Variants in KANK4 observed in about 807,000 individuals in gnomAD.
KANK4 encodes the protein KN motif and ankyrin repeat domains 4.
A neutral mutation model predicts 80.8 loss-of-function variants in KANK4; 50 were observed. That is an observed-to-expected ratio of 0.62 (90% CI 0.49 to 0.78). The LOEUF is 0.78. KANK4 is among the 30% of genes least tolerant of loss of function. KANK4 has a pLI of 0.00. For missense variants in KANK4, 1,196 were observed against 1,240.1 expected, an observed-to-expected ratio of 0.96 and a Z score of 0.53; for synonymous variants, 465 against 506.9, an observed-to-expected ratio of 0.92 and a Z score of 1.11.
At chr1:62,311,395 G>A (rs1407827383) in intron 1 of KANK4, among the ~76,000 whole-genome samples, 2 of 151,888 alleles carry the variant, frequency 1.3e-5, no homozygotes, top group East Asian at 1.9e-4. Context: ...GCACAAGTTC[G>A]ATAAAAGGTA....
intron 8 of KANK4, among the ~76,000 whole-genome samples, chr1:62,249,772 A>G (rs895319056): frequency 2.6e-5 from 4 of 151,698 alleles, no homozygotes; most frequent in Non-Finnish European, 4.4e-5. Context: ...TGAACTCCTG[A>G]CCTCAGGTGA....
At chr1:62,275,281 T>A (rs151213380) in intron 2 of KANK4, among the ~76,000 whole-genome samples, 194 bp from the exon 3 acceptor site, 149 of 152,354 alleles carry the variant, frequency 9.8e-4, no homozygotes, top group African/African-American at 3.5e-3. Context: ...TAAATCAATG[T>A]GTACTTAGCC....
At chr1:62,309,593 T>A (rs1644481432) in intron 1 of KANK4, among the ~76,000 whole-genome samples, 1 of 152,204 alleles carries the variant, frequency 6.6e-6, no homozygotes, top group South Asian at 2.1e-4. Context: ...AAAGCTAATT[T>A]TATTAACTAG....
At position 62,236,669 on chromosome 1, in the gene KANK4, A is replaced by G. The variant is rs922187832; in HGVS notation, c.*1608T>C. On this transcript the variant is annotated 3_prime_UTR_variant, in exon 10 of 10. Transcript: ENST00000371153. ...GAGTGCAATGGCACGATCTCGGCTC[A>G]CTGAAACCTCCGCCTCCCGGGTTCA... 1.4e-5 allele frequency among the ~76,000 whole-genome samples: 2 copies of G among 143,958 alleles called. No individual in the cohort carries two copies. Among genetic ancestry groups the G allele is most frequent in the Non-Finnish European group, 3.0e-5 (2 of 67,204 alleles). 94.4% of individuals were successfully genotyped at this position (143,958 alleles called of 152,430 possible).
Position 62,273,313 on chromosome 1 carries a change from G to T in KANK4, c.1791C>A (p.Ser597Arg). ...SAIKQPASKL[S>R]SIQSQLLSSL... is the part of the protein sequence containing the mutation. ...AGCTCAGCAGCTGGCTCTGGATGCT[G>T]CTGAGCTTGGAGGCTGGCTGCTTGA... Residue 597 changes from serine (S) to arginine (R), a missense_variant, in exon 3 of 10, where the codon AGC becomes AGA. By Grantham distance (110) the Ser-to-Arg change is moderately radical (BLOSUM62 -1). Coordinates refer to ENST00000371153, the MANE Select transcript of KANK4 (RefSeq NM_181712.5). The T allele has an allele frequency of 6.2e-7, 1 of 1,606,076 alleles. No homozygotes were observed. The highest frequency in any genetic ancestry group is 8.5e-7 in the Non-Finnish European group (1 of 1,174,106).
chr1:62,295,782 G>C (rs1644358740), intron 1 of KANK4, among the ~76,000 whole-genome samples: 1 of 152,240 alleles, frequency 6.6e-6, no homozygotes, highest in African/African-American at 2.4e-5. Context: ...TAAAAAGAAT[G>C]TGGCCAGCGT....
At chr1:62,278,409 TGAGATGGAATTTCG>T (rs1672374306) in intron 2 of KANK4, among the ~76,000 whole-genome samples, 1 of 111,420 alleles carries the variant, frequency 9.0e-6, no homozygotes, top group African/African-American at 3.3e-5. Flanking sequence ...TTTTTTTTTT[TGAGATGGAATTTCG>T]TTCTTGTTGC....
chr1:62,281,382 C>T (rs1167118528), intron 2 of KANK4, among the ~76,000 whole-genome samples, 167 bp downstream of exon 2: 1 of 152,168 alleles, frequency 6.6e-6, no homozygotes, highest in Admixed American at 6.5e-5. Context: ...TAGGCTAGGG[C>T]TGGAGATACA....
intron 7 of KANK4, among the ~76,000 whole-genome samples, chr1:62,258,155 G>A (rs893902165): frequency 4.6e-5 from 7 of 152,204 alleles, no homozygotes; most frequent in African/African-American, 1.7e-4. Context: ...ACATCTCTGA[G>A]CCTCAGTTTC....
At chr1:62,278,022 T>G (rs974468316) in intron 2 of KANK4, among the ~76,000 whole-genome samples, 2 of 151,920 alleles carry the variant, frequency 1.3e-5, no homozygotes, top group Non-Finnish European at 2.9e-5. Context: ...AAAGATAAAA[T>G]TGGAAAGGAC....
chr1:62,262,610 A>G (rs1010575852), intron 7 of KANK4, among the ~76,000 whole-genome samples: 1 of 152,228 alleles, frequency 6.6e-6, no homozygotes, highest in African/African-American at 2.4e-5. Context: ...TCACATATAC[A>G]TATAATAAAA....
At chr1:62,266,909 A>C in intron 5 of KANK4, 90 bp from the exon 6 acceptor site, 8 of 844,258 alleles carry the variant, frequency 9.5e-6, no homozygotes, top group Non-Finnish European at 1.3e-5. Flanking sequence ...TTCACATCTC[A>C]GCAGCTCAAA....
At chr1:62,312,200 G>T (rs1325208458) in intron 1 of KANK4, among the ~76,000 whole-genome samples, 49 of 152,096 alleles carry the variant, frequency 3.2e-4, no homozygotes, top group Admixed American at 3.2e-3. Flanking sequence ...AACAAGCTCT[G>T]GCAGCAGGTA....
chr1:62,294,532 T>C (rs566713521), intron 1 of KANK4, among the ~76,000 whole-genome samples: 2 of 152,344 alleles, frequency 1.3e-5, no homozygotes, highest in East Asian at 1.9e-4. Flanking sequence ...GCGTGGGCTG[T>C]TGCATCTGCC....
intron 3 of KANK4, 199 bp from the exon 4 acceptor site, chr1:62,271,788 T>A: frequency 1.9e-6 from 1 of 528,486 alleles, no homozygotes; most frequent in South Asian, 2.1e-5. Context: ...GGGAGAACTG[T>A]CTCTGTTAAC....
intron 7 of KANK4, among the ~76,000 whole-genome samples, chr1:62,260,041 C>T (rs1384426661): frequency 6.6e-6 from 1 of 152,176 alleles, no homozygotes; most frequent in Non-Finnish European, 1.5e-5. Context: ...ATTCTACTCT[C>T]ACTTTCCTGA....
intron 1 of KANK4, among the ~76,000 whole-genome samples, chr1:62,288,851 C>G (rs935953177): frequency 6.6e-6 from 1 of 152,098 alleles, no homozygotes; most frequent in Non-Finnish European, 1.5e-5. Context: ...ATCAAACTGC[C>G]AATTGCCAAA....
intron 8 of KANK4, among the ~76,000 whole-genome samples, chr1:62,249,163 C>CAAAAAAAAAA (rs10695105): frequency 7.3e-6 from 1 of 136,350 alleles, no homozygotes; most frequent in Non-Finnish European, 1.5e-5. Flanking sequence ...AAATCTGTCT[C>CAAAAAAAAAA]AAAAAAAAAA....
chr1:62,295,595 C>A (rs1196702037), intron 1 of KANK4, among the ~76,000 whole-genome samples: 1 of 152,226 alleles, frequency 6.6e-6, no homozygotes, highest in Non-Finnish European at 1.5e-5. Flanking sequence ...AAAACAGGGT[C>A]TTGGACGACA....
Sources: gnomAD v4.1 joint callset for allele counts (sites outside exome capture counted in the v4.1 genomes callset) on GRCh38, gnomAD v4.1.1 for gene constraint, MANE v1.5 for transcripts, NCBI Gene and HGNC (gene_info 2026-07-23, HGNC 2026-07-21) for gene names.